EMP1: variants seen among roughly 807,000 people sequenced by gnomAD.
The protein encoded by EMP1 is tumor-associated membrane protein.
Under a neutral mutation model 15.7 loss-of-function variants are expected in EMP1, and 5 were observed. That is an observed-to-expected ratio of 0.32 (90% CI 0.17 to 0.67). The LOEUF (loss-of-function observed/expected upper bound fraction) is 0.67. EMP1 is among the 30% of genes least tolerant of loss of function. The pLI is 0.74. For missense variants in EMP1, 166 were observed against 194.2 expected, an observed-to-expected ratio of 0.85 and a Z score of 0.86; for synonymous variants, 78 against 76.7, an observed-to-expected ratio of 1.02 and a Z score of -0.09.
rs1864242021 is a variant in EMP1 at position 13,219,589 on chromosome 12, GA to G, written c.*4900del. 1 of 152,168 alleles carries G rather than the reference GA, an allele frequency of 6.6e-6. No homozygotes were observed. The highest frequency in any genetic ancestry group is 2.4e-5 in the African/African-American group (1 of 41,438). 9.4% of individuals were successfully genotyped at this position (152,168 alleles called of 1,614,324 possible). On this transcript the variant is annotated 3_prime_UTR_variant, in exon 5 of 5. Coordinates refer to ENST00000256951, the MANE Select transcript of EMP1 (RefSeq NM_001423.3). ...TATTAGTCTGTTTTCACACTGCTAT[GA>G]AGACATACTTGAGACTCGGTAATTT...
intron 1 of EMP1, among the ~76,000 whole-genome samples, chr12:13,210,993 T>A (rs1297278688): frequency 6.6e-6 from 1 of 152,212 alleles, no homozygotes; most frequent in Non-Finnish European, 1.5e-5. Flanking sequence ...CAGAAGGCAT[T>A]TACTTCTATT....
Position 13,213,493 on chromosome 12 carries a change from C to T in EMP1, c.93C>T (p.Ser31=), listed in dbSNP as rs1356399379. 6.2e-7 allele frequency: 1 copy of T among 1,614,098 alleles called. No individual in the cohort carries two copies. The highest frequency in any genetic ancestry group is 8.5e-7 in the Non-Finnish European group (1 of 1,180,022). ...TCTGGTTTCAGGTCTGGTTGGTTTC[C>T]AATACGGTAGATGCATCAGTAGGTC... ...VSTIANVWLV[S]NTVDASVGLW... The change falls in exon 3 of 5, where the codon TCC becomes TCT. Residue 31 remains serine (S), a synonymous_variant. Coordinates refer to ENST00000256951, the MANE Select transcript of EMP1 (RefSeq NM_001423.3).
Position 13,216,002 on chromosome 12 carries a change from C to A in EMP1, c.*1311C>A. ...AGATCTTTTCTTTAAAATAAAAAAG[C>A]AAAAACTCTTGTGGTACCTAGTCAG... On this transcript the variant is annotated 3_prime_UTR_variant, in exon 5 of 5. Coordinates refer to ENST00000256951, the MANE Select transcript of EMP1 (RefSeq NM_001423.3). 1.8e-5 allele frequency: 3 copies of A among 168,060 alleles called. No homozygotes were observed. The highest frequency in any genetic ancestry group is 5.8e-5 in the Admixed American group (1 of 17,336). The allele number at this position is 168,060 out of a possible 1,614,324, so 10.4% of individuals were successfully genotyped here.
chr12:13,202,784 T>C (rs1864077484), intron 1 of EMP1, among the ~76,000 whole-genome samples: 1 of 152,064 alleles, frequency 6.6e-6, no homozygotes, highest in African/African-American at 2.4e-5. Flanking sequence ...GGGTATATGC[T>C]GACTCTCTGA....
Position 13,216,484 on chromosome 12 carries a change from G to C in EMP1, c.*1793G>C. 4.3e-6 allele frequency: 3 copies of C among 702,084 alleles called. No individual in the cohort carries two copies. The highest frequency in any genetic ancestry group is 7.8e-6 in the Non-Finnish European group (3 of 384,648). The allele number at this position is 702,084 out of a possible 1,614,324, so 43.5% of individuals were successfully genotyped here. On this transcript the variant is annotated 3_prime_UTR_variant, in exon 5 of 5. Coordinates refer to ENST00000256951, the MANE Select transcript of EMP1 (RefSeq NM_001423.3). ...ATGATTTCATTATCACATGATTATA[G>C]AAGGCTGTCTTAGTGCAAAAAACAT...
intron 1 of EMP1, among the ~76,000 whole-genome samples, chr12:13,207,108 G>A (rs1864117237): frequency 6.6e-6 from 1 of 151,994 alleles, no homozygotes; most frequent in African/African-American, 2.4e-5. Flanking sequence ...TTAATCCTCA[G>A]GGTTCTATTT....
intron 1 of EMP1, among the ~76,000 whole-genome samples, chr12:13,198,638 A>T (rs1304325226): frequency 6.6e-6 from 1 of 152,246 alleles, no homozygotes; most frequent in Non-Finnish European, 1.5e-5. Flanking sequence ...TGTGAAAATT[A>T]TACAAATCTT....
intron 1 of EMP1, among the ~76,000 whole-genome samples, chr12:13,201,990 AGGAG>A (rs767640593): frequency 9.4e-5 from 13 of 139,028 alleles, no homozygotes; most frequent in Non-Finnish European, 1.6e-4. Flanking sequence ...CAACTAGGAC[AGGAG>A]GGAGGGAGGG....
intron 1 of EMP1, among the ~76,000 whole-genome samples, chr12:13,201,187 A>T (rs1350502850): frequency 6.6e-6 from 1 of 152,134 alleles, no homozygotes; most frequent in Non-Finnish European, 1.5e-5. Context: ...TGGGAGGATC[A>T]CTTGAACCTA....
chr12:13,198,304 C>T (rs1421827858), intron 1 of EMP1, among the ~76,000 whole-genome samples: 1 of 151,930 alleles, frequency 6.6e-6, no homozygotes, highest in African/African-American at 2.4e-5. Context: ...GGGTGAGTGT[C>T]TACCGAGGTG....
intron 1 of EMP1, among the ~76,000 whole-genome samples, chr12:13,197,715 C>T (rs1260751507): frequency 6.6e-6 from 1 of 151,524 alleles, no homozygotes; most frequent in Non-Finnish European, 1.5e-5. Context: ...ATGGTGGTTG[C>T]AGTGAACTGA....
intron 1 of EMP1, among the ~76,000 whole-genome samples, chr12:13,202,100 AAGAC>A (rs960403785): frequency 6.6e-6 from 1 of 152,100 alleles, no homozygotes; most frequent in African/African-American, 2.4e-5. Flanking sequence ...TGGATAGAGA[AAGAC>A]AGAAAGGGGG....
At chr12:13,208,507 T>C (rs1183409481) in intron 1 of EMP1, among the ~76,000 whole-genome samples, 1 of 152,174 alleles carries the variant, frequency 6.6e-6, no homozygotes, top group African/African-American at 2.4e-5. Context: ...TCACCTGTGT[T>C]GGGGGGAAGG....
At position 13,216,507 on chromosome 12, in the gene EMP1, C is replaced by T. The variant is rs756881892; in HGVS notation, c.*1816C>T. ...TAGAAGGCTGTCTTAGTGCAAAAAACATACTTACATTTCAGACATATCCAA... is the reference window on the plus strand; with the variant it reads ...TAGAAGGCTGTCTTAGTGCAAAAAATATACTTACATTTCAGACATATCCAA... On this transcript the variant is annotated 3_prime_UTR_variant, in exon 5 of 5. Coordinates refer to ENST00000256951, the MANE Select transcript of EMP1 (RefSeq NM_001423.3). The T allele has an allele frequency of 3.3e-5, 23 of 700,042 alleles. No individual in the cohort carries two copies. The South Asian group carries it at 3.4e-4, about 10-fold the overall frequency. 43.4% of individuals were successfully genotyped at this position (700,042 alleles called of 1,614,324 possible). A position where few individuals can be genotyped will look rare whatever the true frequency, so the allele number is the denominator to read the frequency against.
chr12:13,201,152 A>G (rs923868159), intron 1 of EMP1, among the ~76,000 whole-genome samples: 1 of 152,160 alleles, frequency 6.6e-6, no homozygotes, highest in African/African-American at 2.4e-5. Flanking sequence ...AGGCGTGGTA[A>G]TCCCAGCTAC....
chr12:13,212,620 G>A (rs927043853), intron 2 of EMP1, among the ~76,000 whole-genome samples: 1 of 152,182 alleles, frequency 6.6e-6, no homozygotes, highest in African/African-American at 2.4e-5. Context: ...ATTAATGAGC[G>A]CCAAAGCGCT....
chr12:13,214,186 A>C, intron 4 of EMP1: 1 of 599,152 alleles, frequency 1.7e-6, no homozygotes, highest in East Asian at 2.8e-5. Context: ...CTTTCCCAAT[A>C]TACTCGGTTT....
intron 1 of EMP1, among the ~76,000 whole-genome samples, chr12:13,210,798 A>G (rs1864158419): frequency 6.6e-6 from 1 of 152,272 alleles, no homozygotes; most frequent in Admixed American, 6.5e-5. Flanking sequence ...AGGTGTAGTA[A>G]TACTAGTCTG....
intron 1 of EMP1, among the ~76,000 whole-genome samples, chr12:13,210,255 C>T (rs937594002): frequency 3.3e-5 from 5 of 152,204 alleles, no homozygotes; most frequent in African/African-American, 1.2e-4. Flanking sequence ...GGAACAATTG[C>T]AGGATGCGCC....
Sources: gnomAD v4.1 joint callset for allele counts (sites outside exome capture counted in the v4.1 genomes callset) on GRCh38, gnomAD v4.1.1 for gene constraint, MANE v1.5 for transcripts, NCBI Gene and HGNC (gene_info 2026-07-23, HGNC 2026-07-21) for gene names.